WDR7: variants seen among roughly 807,000 people sequenced by gnomAD.
WDR7 encodes the protein WD repeat-containing protein 7.
In WDR7, 46 loss-of-function variants were observed where a neutral mutation model predicts 169.4. The ratio of observed to expected loss-of-function variants is 0.27; its 90% CI spans 0.21 to 0.35. WDR7 has a LOEUF of 0.35. Among genes scored for constraint, WDR7 ranks in the 10% least tolerant of loss-of-function variants. WDR7 has a pLI of 1.00. For synonymous variants in WDR7, 612 were observed against 666.8 expected (o/e 0.92, Z 1.27); for missense variants, 1,534 against 1,859.3 (o/e 0.83, Z 3.22).
intron 19 of WDR7, among the ~76,000 whole-genome samples, chr18:56,795,851 G>A (rs1321232773): frequency 6.6e-6 from 1 of 152,104 alleles, no homozygotes; most frequent in East Asian, 1.9e-4. Context: ...ACTGGAAATA[G>A]TTTCTCTCTG....
intron 20 of WDR7, among the ~76,000 whole-genome samples, chr18:56,839,432 TTACTTATA>T (rs1425491648): frequency 1.3e-5 from 2 of 152,192 alleles, no homozygotes; most frequent in Non-Finnish European, 2.9e-5. Context: ...TGTGTATCTC[TTACTTATA>T]AGACTCAACT....
At chr18:56,658,898 A>T (rs899605305) in intron 1 of WDR7, among the ~76,000 whole-genome samples, 14 of 151,216 alleles carry the variant, frequency 9.3e-5, no homozygotes, top group Non-Finnish European at 1.8e-4. Context: ...TTTTTTTTTT[A>T]GTAGAGATGG....
At chr18:56,956,847 A>T (rs1281478942) in intron 25 of WDR7, among the ~76,000 whole-genome samples, 1 of 152,190 alleles carries the variant, frequency 6.6e-6, no homozygotes, top group Non-Finnish European at 1.5e-5. Flanking sequence ...AACCAAGTGG[A>T]TCAGTCTAAA....
chr18:57,006,702 G>A (rs2048062862), intron 26 of WDR7, among the ~76,000 whole-genome samples: 1 of 152,076 alleles, frequency 6.6e-6, no homozygotes. Flanking sequence ...GAATTGTGTG[G>A]CTATAATTAG....
chr18:56,725,143 A>T (rs2026415867), intron 13 of WDR7, among the ~76,000 whole-genome samples: 1 of 150,712 alleles, frequency 6.6e-6, no homozygotes, highest in Admixed American at 6.6e-5. Flanking sequence ...TAGCCGCATG[A>T]TTTATAATCC....
intron 26 of WDR7, among the ~76,000 whole-genome samples, chr18:57,018,875 T>G (rs537807765): frequency 6.6e-6 from 1 of 152,308 alleles, no homozygotes; most frequent in Admixed American, 6.5e-5. Context: ...ACCTAGTAAG[T>G]GGGAATGGAC....
intron 26 of WDR7, among the ~76,000 whole-genome samples, chr18:56,970,985 C>T (rs929103137): frequency 3.3e-5 from 5 of 152,118 alleles, no homozygotes; most frequent in African/African-American, 7.2e-5. Context: ...AAAAATGGAA[C>T]TCCCAGCTGG....
chr18:56,803,331 C>G (rs1164453395), intron 19 of WDR7, among the ~76,000 whole-genome samples: 1 of 152,054 alleles, frequency 6.6e-6, no homozygotes, highest in Non-Finnish European at 1.5e-5. Context: ...TATTTATTTT[C>G]AAATCATTTA....
chr18:56,731,688 T>G, intron 14 of WDR7, 91 bp downstream of exon 14: 1 of 1,161,304 alleles, frequency 8.6e-7, no homozygotes, highest in Non-Finnish European at 1.2e-6. Flanking sequence ...AAATAATTTT[T>G]GAGAAATGAC....
intron 20 of WDR7, among the ~76,000 whole-genome samples, chr18:56,821,737 A>G: frequency 6.7e-6 from 1 of 149,690 alleles, no homozygotes; most frequent in African/African-American, 2.5e-5. Context: ...GCTCACACCC[A>G]TAATCCCAGC....
chr18:56,939,544 A>G, intron 25 of WDR7, 151 bp downstream of exon 25: 1 of 478,730 alleles, frequency 2.1e-6, no homozygotes, highest in Middle Eastern at 5.2e-4. Context: ...TGGGCAGGTT[A>G]CAGTTAAAAA....
At chr18:56,661,404 T>G in intron 1 of WDR7, among the ~76,000 whole-genome samples, 1 of 152,186 alleles carries the variant, frequency 6.6e-6, no homozygotes, top group Non-Finnish European at 1.5e-5. Context: ...ATTTAAAACA[T>G]GATTTATATG....
chr18:56,987,838 G>C (rs1363588602), intron 26 of WDR7, among the ~76,000 whole-genome samples: 1 of 152,114 alleles, frequency 6.6e-6, no homozygotes, highest in Non-Finnish European at 1.5e-5. Flanking sequence ...CCTATGCTTG[G>C]ATTATGATGA....
At chr18:56,825,033 A>G (rs567385132) in intron 20 of WDR7, among the ~76,000 whole-genome samples, 1 of 152,068 alleles carries the variant, frequency 6.6e-6, no homozygotes, top group Non-Finnish European at 1.5e-5. Flanking sequence ...GACAGTGGAG[A>G]TGTACTTGTG....
rs1472859253 is a variant in WDR7, at chr18:56,935,787, G to T, written c.3714-1G>T. 6.2e-7 allele frequency: 1 copy of T among 1,613,468 alleles called. No individual in the cohort carries two copies. Among genetic ancestry groups the T allele is most frequent in the Non-Finnish European group, 8.5e-7 (1 of 1,179,776 alleles). ...TTTCCCTTTTTCTGATCCCTGTTTAGCATCACAATGGGGTTGCCTCTGAGC... is the reference window on the plus strand; with the variant it reads ...TTTCCCTTTTTCTGATCCCTGTTTATCATCACAATGGGGTTGCCTCTGAGC... On this transcript the variant is annotated splice_acceptor_variant, in intron 22 of 27. Transcript: ENST00000254442. LOFTEE classifies it high-confidence loss of function.
At chr18:56,926,340 C>T (rs988653446) in intron 22 of WDR7, among the ~76,000 whole-genome samples, 2 of 152,180 alleles carry the variant, frequency 1.3e-5, no homozygotes, top group Non-Finnish European at 2.9e-5. Flanking sequence ...GTTATTGCAG[C>T]TCTCCTGGTT....
chr18:56,674,942 T>C (rs1317214500), intron 2 of WDR7, among the ~76,000 whole-genome samples: 1 of 152,206 alleles, frequency 6.6e-6, no homozygotes, highest in Non-Finnish European at 1.5e-5. Context: ...TGTTCTCCAT[T>C]GAATGCTATT....
chr18:56,854,503 C>G (rs74714955), intron 20 of WDR7, among the ~76,000 whole-genome samples: 2,219 of 152,340 alleles, frequency 0.015, 50 homozygotes, highest in African/African-American at 0.049. Context: ...ATACCCCGTC[C>G]TCCTCGGCCT....
chr18:56,977,122 T>C (rs1599212549), intron 26 of WDR7, among the ~76,000 whole-genome samples: 1 of 152,218 alleles, frequency 6.6e-6, no homozygotes, highest in African/African-American at 2.4e-5. Context: ...AGCCAATGTA[T>C]GTAAGATATT....
Sources: allele counts gnomAD v4.1 joint callset (sites outside exome capture counted in the v4.1 genomes callset), GRCh38; gene constraint gnomAD v4.1.1; transcripts MANE v1.5; gene names NCBI Gene and HGNC (gene_info 2026-07-23, HGNC 2026-07-21).